The following PLEKHH2 variants were observed in gnomAD, a reference collection of about 807,000 sequenced individuals.
The protein encoded by PLEKHH2 is pleckstrin homology, MyTH4 and FERM domain containing H2, also known as pleckstrin homology domain-containing family H member 2.
In PLEKHH2, 129 loss-of-function variants were observed where a neutral mutation model predicts 187.9. That is an observed-to-expected ratio of 0.69 (90% CI 0.59 to 0.79). The LOEUF is 0.79. Among genes scored for constraint, PLEKHH2 ranks in the 30% least tolerant of loss-of-function variants. The pLI is 0.00. For missense variants in PLEKHH2, 2,076 were observed against 1,751.2 expected (o/e 1.19, Z -3.31); for synonymous variants, 686 against 605.6 (o/e 1.13, Z -1.95).
intron 2 of PLEKHH2, chr2:43,676,153 G>T (rs767125584): frequency 6.2e-7 from 1 of 1,614,016 alleles, no homozygotes; most frequent in East Asian, 2.2e-5. Flanking sequence ...TATCACTTTT[G>T]AAGTGTTTAA....
At chr2:43,753,498 A>G in intron 24 of PLEKHH2, 121 bp from the exon 25 acceptor site, 1 of 688,410 alleles carries the variant, frequency 1.5e-6, no homozygotes, top group Non-Finnish European at 2.2e-6. Context: ...GTAGTAGTCT[A>G]AGTTCATACC....
At chr2:43,708,501 G>A (rs957676055) in intron 11 of PLEKHH2, among the ~76,000 whole-genome samples, 2 of 152,124 alleles carry the variant, frequency 1.3e-5, no homozygotes, top group Admixed American at 6.5e-5. Flanking sequence ...TTCTCAATGA[G>A]GTCCACCCTG....
chr2:43,745,216 T>C (rs1295261239), intron 23 of PLEKHH2, among the ~76,000 whole-genome samples: 1 of 152,124 alleles, frequency 6.6e-6, no homozygotes, highest in East Asian at 1.9e-4. Context: ...CTCGGGAGAC[T>C]GAGGCAGGAG....
chr2:43,708,468 C>T (rs1259560632), intron 11 of PLEKHH2, among the ~76,000 whole-genome samples: 2 of 152,224 alleles, frequency 1.3e-5, no homozygotes, highest in Admixed American at 1.3e-4. Context: ...CTGACTCCCT[C>T]ACCTCCATCA....
Position 43,731,421 on chromosome 2 carries a change from ATTAAT to A in PLEKHH2, c.2831-63_2831-59del, listed in dbSNP as rs1572633839. 4.7e-6 allele frequency: 5 copies of A among 1,055,436 alleles called. No homozygotes were observed. The East Asian group carries it at 9.7e-5, about 20-fold the overall frequency. 65.4% of individuals were successfully genotyped at this position (1,055,436 alleles called of 1,614,324 possible). A position where few individuals can be genotyped will look rare whatever the true frequency, so the allele number is the denominator to read the frequency against. ...GCCTGAATGAGCTAATGTCTAAAGG[ATTAAT>A]TTAATAAGAGGCCACAATAAGTGGT... On this transcript the variant is annotated intron_variant, in intron 18 of 29. Coordinates refer to ENST00000282406, the MANE Select transcript of PLEKHH2 (RefSeq NM_172069.4).
chr2:43,764,319 A>C lies in PLEKHH2; in HGVS notation c.4250A>C (p.Lys1417Thr). The change falls in exon 29 of 30, where the codon AAG becomes ACG. Residue 1417 changes from lysine to threonine, a missense_variant. Coordinates refer to ENST00000282406, the MANE Select transcript of PLEKHH2 (RefSeq NM_172069.4). ...FMVVINNTHS[K>T]DKPTEKLLFA... is the part of the protein sequence containing the mutation. ...GTAGTCATTAACAATACACATTCAAAGGACAAACCAACAGAGAAATTACTT... is the reference window on the plus strand; with the variant it reads ...GTAGTCATTAACAATACACATTCAACGGACAAACCAACAGAGAAATTACTT... The C allele has an allele frequency of 6.2e-7, 1 of 1,611,646 alleles. No homozygotes were observed. Among genetic ancestry groups the C allele is most frequent in the South Asian group, 1.1e-5 (1 of 90,696 alleles).
chr2:43,761,266 T>C (rs1672417785), intron 27 of PLEKHH2, among the ~76,000 whole-genome samples: 1 of 152,200 alleles, frequency 6.6e-6, no homozygotes, highest in Non-Finnish European at 1.5e-5. Context: ...TTTTAGGATT[T>C]CATTTGTTAA....
chr2:43,671,919 A>G (rs1574509211), intron 2 of PLEKHH2, among the ~76,000 whole-genome samples: 1 of 152,166 alleles, frequency 6.6e-6, no homozygotes, highest in Non-Finnish European at 1.5e-5. Context: ...GGTTTTGGCA[A>G]TACTGGCCTT....
At chr2:43,718,669 A>G (rs1484876955) in intron 15 of PLEKHH2, among the ~76,000 whole-genome samples, 2 of 152,236 alleles carry the variant, frequency 1.3e-5, no homozygotes, top group African/African-American at 4.8e-5. Flanking sequence ...TCTCTTTTAA[A>G]GATAAATCAT....
intron 24 of PLEKHH2, among the ~76,000 whole-genome samples, chr2:43,752,237 G>T (rs1002258391): frequency 3.9e-5 from 6 of 152,104 alleles, no homozygotes; most frequent in African/African-American, 1.4e-4. Context: ...CGGCTTTGCT[G>T]ATATCATTTT....
At chr2:43,705,818 A>C (rs907746905) in intron 9 of PLEKHH2, among the ~76,000 whole-genome samples, 5 of 152,054 alleles carry the variant, frequency 3.3e-5, no homozygotes, top group Non-Finnish European at 5.9e-5. Context: ...CATGTTGCCC[A>C]GGTTGGTCTC....
At chr2:43,757,065 T>C in intron 25 of PLEKHH2, 54 bp from the exon 26 acceptor site, 4 of 1,354,878 alleles carry the variant, frequency 3.0e-6, no homozygotes, top group Non-Finnish European at 2.9e-6. Context: ...CTAACTGATT[T>C]TCTGTCTTAA....
At chr2:43,645,091 C>T (rs1015560329) in intron 2 of PLEKHH2, among the ~76,000 whole-genome samples, 5 of 151,930 alleles carry the variant, frequency 3.3e-5, no homozygotes, top group Non-Finnish European at 7.4e-5. Context: ...AGTATGACAG[C>T]TTTGATCTAC....
intron 27 of PLEKHH2, 89 bp downstream of exon 27, chr2:43,759,118 T>C: frequency 7.7e-6 from 11 of 1,424,790 alleles, no homozygotes; most frequent in Non-Finnish European, 1.0e-5. Context: ...CCTTGGCTTT[T>C]GTAAAAAATG....
At chr2:43,647,574 T>C (rs1315689471) in intron 2 of PLEKHH2, among the ~76,000 whole-genome samples, 1 of 152,108 alleles carries the variant, frequency 6.6e-6, no homozygotes. Flanking sequence ...TGTATGTATG[T>C]AGTAATAACG....
At chr2:43,637,683 C>G (rs976127173) in intron 1 of PLEKHH2, among the ~76,000 whole-genome samples, 11 of 152,126 alleles carry the variant, frequency 7.2e-5, no homozygotes, top group Non-Finnish European at 1.3e-4. Flanking sequence ...ACACTGGGCC[C>G]GGGCTTCTGG....
rs1444815363 is a variant in PLEKHH2, at chr2:43,692,496, T to C, written c.187-18T>C. On this transcript the variant is annotated intron_variant, in intron 3 of 29. Transcript: ENST00000282406. ...CTGAGTACACACACAATTTTAATAT[T>C]TTATCCTTTGAATTTAGGTACAAGT... is the stretch of plus-strand genomic sequence containing the variant. The C allele has an allele frequency of 6.5e-7, 1 of 1,540,914 alleles. No individual in the cohort carries two copies. Among genetic ancestry groups the C allele is most frequent in the South Asian group, 1.2e-5 (1 of 85,882 alleles).
chr2:43,701,266 G>C (rs1387549001), intron 8 of PLEKHH2, among the ~76,000 whole-genome samples: 1 of 152,214 alleles, frequency 6.6e-6, no homozygotes, highest in Non-Finnish European at 1.5e-5. Context: ...CAGAACAGAT[G>C]GTTGTTTCCT....
intron 3 of PLEKHH2, among the ~76,000 whole-genome samples, chr2:43,685,578 C>T (rs1668463135): frequency 6.6e-6 from 1 of 151,826 alleles, no homozygotes; most frequent in Non-Finnish European, 1.5e-5. Context: ...CAGGCATGTG[C>T]CACCACACCC....
Sources: gnomAD v4.1 joint callset for allele counts (sites outside exome capture counted in the v4.1 genomes callset) on GRCh38, gnomAD v4.1.1 for gene constraint, MANE v1.5 for transcripts, NCBI Gene and HGNC (gene_info 2026-07-23, HGNC 2026-07-21) for gene names.